Variants in ZBTB38 observed in about 807,000 individuals in gnomAD.
ZBTB38 encodes the protein zinc finger and BTB domain-containing protein 38.
ZBTB38 carries 20 observed loss-of-function variants against 76.8 expected under a neutral mutation model. The observed-to-expected ratio is 0.26, with a 90% CI of 0.18 to 0.38. ZBTB38 has a LOEUF of 0.38. ZBTB38 is among the 10% of genes least tolerant of loss of function. The probability of loss-of-function intolerance (pLI) is 1.00; values close to 1 mark genes in which losing one functional copy is unlikely to be tolerated. For missense variants in ZBTB38, 1,082 were observed against 1,482.3 expected, an observed-to-expected ratio of 0.73 and a Z score of 4.43; for synonymous variants, 504 against 544.2, an observed-to-expected ratio of 0.93 and a Z score of 1.03.
At chr3:141,431,622 T>C (rs566169914) in intron 5 of ZBTB38, 114 of 150,362 alleles carry the variant, frequency 7.6e-4, no homozygotes, top group African/African-American at 2.7e-3. Flanking sequence ...ACTGGGCCCA[T>C]TGCATCATTC....
rs539909205 is a variant in ZBTB38 at position 141,419,379 on chromosome 3, A to G, written c.-1+15348A>G. The stretch of plus-strand genomic sequence containing the variant: ...TGTAGTTTTTTTGAGTGGCAGATAC[A>G]TGTATGACACTGAATTTGGCATAAA... On this transcript the variant is annotated intron_variant, in intron 5 of 5. Transcript: ENST00000321464. Among the ~76,000 whole-genome samples, 8 of 152,328 alleles carry G rather than the reference A, an allele frequency of 5.3e-5. No individual in the cohort carries two copies. The South Asian group carries it at 1.4e-3, about 28-fold the overall frequency.
chr3:141,443,931 C>A lies in ZBTB38; in HGVS notation c.1543C>A (p.Arg515=), dbSNP rs766289005. 11 of 1,614,102 alleles carry A rather than the reference C, an allele frequency of 6.8e-6. No individual in the cohort carries two copies. Among genetic ancestry groups the A allele is most frequent in the Non-Finnish European group, 9.3e-6 (11 of 1,180,032 alleles). Residue 515 remains arginine (R), a synonymous_variant, in exon 6 of 6, where the codon CGA becomes AGA. Transcript: ENST00000321464. The surrounding 1 kb of genome is among the most constrained non-coding windows in gnomAD (Gnocchi z 5.6). ...TGAAATTTGGCATACGGGAGAAAGACGATATCAGTGCATTTTCTGTCTTGA... is the reference window on the plus strand; with the variant it reads ...TGAAATTTGGCATACGGGAGAAAGAAGATATCAGTGCATTTTCTGTCTTGA... ...RHEIWHTGER[R]YQCIFCLETF...
At chr3:141,331,648 G>A (rs1373943208) in intron 1 of ZBTB38, among the ~76,000 whole-genome samples, 1 of 152,186 alleles carries the variant, frequency 6.6e-6, no homozygotes, top group African/African-American at 2.4e-5. Context: ...ACTTCAACAT[G>A]GGGCCATTCT....
intron 1 of ZBTB38, among the ~76,000 whole-genome samples, chr3:141,327,357 G>T (rs1376041811): frequency 6.6e-6 from 1 of 152,194 alleles, no homozygotes; most frequent in East Asian, 1.9e-4. Context: ...CAACAGTGAT[G>T]ATGTTGATGG....
intron 5 of ZBTB38, among the ~76,000 whole-genome samples, chr3:141,429,997 C>T (rs1316742145): frequency 6.6e-6 from 1 of 152,162 alleles, no homozygotes; most frequent in Non-Finnish European, 1.5e-5. Context: ...AGGGGAAGTC[C>T]GCTGAAGGGC....
At chr3:141,391,780 C>T (rs1170630676) in intron 4 of ZBTB38, among the ~76,000 whole-genome samples, 2 of 151,820 alleles carry the variant, frequency 1.3e-5, no homozygotes, top group Admixed American at 6.6e-5. Context: ...AAGGGTTTGT[C>T]TCATCTCATC....
In ZBTB38 at chr3:141,395,251, T is replaced by C. The variant is rs1576996497; in HGVS notation, c.-106+8314T>C. On this transcript the variant is annotated intron_variant, in intron 4 of 5. Coordinates refer to ENST00000321464, the MANE Select transcript of ZBTB38 (RefSeq NM_001376113.1). ...GAAATAACATAATACAAAAAGCAGA[T>C]TGGTTAACATCAGGTTACTGCAGGT... is the stretch of plus-strand genomic sequence containing the variant. 2.6e-5 allele frequency among the ~76,000 whole-genome samples: 4 copies of C among 152,202 alleles called. No individual in the cohort carries two copies. The East Asian group carries it at 7.7e-4, about 29-fold the overall frequency.
chr3:141,412,148 A>G (rs1956882719), intron 5 of ZBTB38, among the ~76,000 whole-genome samples: 1 of 152,232 alleles, frequency 6.6e-6, no homozygotes, highest in South Asian at 2.1e-4. Context: ...CTCAGAGAGA[A>G]TAAGAAAAGT....
At chr3:141,415,846 A>G (rs2073904928) in intron 5 of ZBTB38, among the ~76,000 whole-genome samples, 1 of 152,140 alleles carries the variant, frequency 6.6e-6, no homozygotes, top group South Asian at 2.1e-4. Flanking sequence ...CACCATCTCC[A>G]GCCCCCACTG....
chr3:141,381,283 T>A (rs975369909), intron 2 of ZBTB38, 142 bp from the exon 3 acceptor site: 2 of 152,264 alleles, frequency 1.3e-5, no homozygotes, highest in African/African-American at 4.8e-5. Context: ...TGACACCTGT[T>A]GAGGATGCTC....
intron 5 of ZBTB38, among the ~76,000 whole-genome samples, chr3:141,411,658 G>A (rs150458055): frequency 2.6e-5 from 4 of 152,292 alleles, no homozygotes; most frequent in South Asian, 2.1e-4. Flanking sequence ...TTACTCAGAC[G>A]TTAGAGAACT....
intron 5 of ZBTB38, among the ~76,000 whole-genome samples, chr3:141,429,609 G>A (rs765540264): frequency 1.2e-4 from 19 of 152,204 alleles, no homozygotes; most frequent in Non-Finnish European, 1.9e-4. Context: ...ACTTTCTGGC[G>A]GGCAGAGTGG....
chr3:141,395,083 C>T (rs1950030173), intron 4 of ZBTB38, among the ~76,000 whole-genome samples: 1 of 152,180 alleles, frequency 6.6e-6, no homozygotes, highest in South Asian at 2.1e-4. Flanking sequence ...AACAAATTTT[C>T]AACAAATTGA....
intron 2 of ZBTB38, among the ~76,000 whole-genome samples, chr3:141,373,878 C>A (rs1213732049): frequency 6.6e-6 from 1 of 152,040 alleles, no homozygotes; most frequent in East Asian, 1.9e-4. Flanking sequence ...ACCGGAAATC[C>A]CAGCACTTTG....
chr3:141,410,006 T>C (rs1160559825), intron 5 of ZBTB38, among the ~76,000 whole-genome samples: 1 of 152,210 alleles, frequency 6.6e-6, no homozygotes, highest in African/African-American at 2.4e-5. Context: ...CCAGCATGAC[T>C]TTGCTTGTTT....
intron 4 of ZBTB38, among the ~76,000 whole-genome samples, 158 bp from the exon 5 acceptor site, chr3:141,403,769 A>C (rs1239649754): frequency 2.6e-5 from 4 of 152,200 alleles, no homozygotes; most frequent in Non-Finnish European, 5.9e-5. Context: ...CCTACATCTG[A>C]AGGTTGTTAT....
intron 1 of ZBTB38, among the ~76,000 whole-genome samples, chr3:141,341,400 T>C (rs1392802214): frequency 6.6e-6 from 1 of 152,206 alleles, no homozygotes; most frequent in African/African-American, 2.4e-5. Flanking sequence ...GCATTATTCA[T>C]AATAGCCAAA....
intron 1 of ZBTB38, among the ~76,000 whole-genome samples, chr3:141,339,105 T>C (rs1943098901): frequency 6.6e-6 from 1 of 151,998 alleles, no homozygotes; most frequent in African/African-American, 2.4e-5. Flanking sequence ...ATGCCAAATC[T>C]CAAGTGAACC....
At chr3:141,333,326 C>CTT (rs1942909434) in intron 1 of ZBTB38, among the ~76,000 whole-genome samples, 1 of 152,096 alleles carries the variant, frequency 6.6e-6, no homozygotes, top group East Asian at 1.9e-4. Context: ...GAAACCAGCA[C>CTT]GGGAGAGTCA....
Sources: gnomAD v4.1 joint callset for allele counts (sites outside exome capture counted in the v4.1 genomes callset) on GRCh38, gnomAD v4.1.1 for gene constraint, Gnocchi (gnomAD v3.1) non-coding constraint, MANE v1.5 for transcripts, NCBI Gene and HGNC (gene_info 2026-07-23, HGNC 2026-07-21) for gene names.